PSD3: variants seen among roughly 807,000 people sequenced by gnomAD.
PSD3 encodes the protein PH and SEC7 domain-containing protein 3.
Under a neutral mutation model 105.5 loss-of-function variants are expected in PSD3, and 49 were observed. That is an observed-to-expected ratio of 0.46 (90% CI 0.37 to 0.59). The LOEUF (loss-of-function observed/expected upper bound fraction) is 0.59. Among genes scored for constraint, PSD3 ranks in the 20% least tolerant of loss-of-function variants. The probability of loss-of-function intolerance (pLI) is 0.00; values close to 1 mark genes in which losing one functional copy is unlikely to be tolerated. For synonymous variants in PSD3, 557 were observed against 457.8 expected (o/e 1.22, Z -2.77); for missense variants, 1,561 against 1,263.8 (o/e 1.24, Z -3.57).
At chr8:18,782,651 G>A (rs1481641929) in intron 8 of PSD3, among the ~76,000 whole-genome samples, 1 of 152,208 alleles carries the variant, frequency 6.6e-6, no homozygotes, top group Non-Finnish European at 1.5e-5. Context: ...TCTTCAAGTG[G>A]ATTGTCTGTG....
intron 12 of PSD3, among the ~76,000 whole-genome samples, chr8:18,584,151 C>T (rs950360802): frequency 1.1e-4 from 16 of 152,266 alleles, no homozygotes; most frequent in African/African-American, 2.4e-4. Context: ...ATAGAAGATA[C>T]GAGACATTTT....
chr8:18,873,138 A>G (rs1255664785), intron 2 of PSD3, among the ~76,000 whole-genome samples: 1 of 152,210 alleles, frequency 6.6e-6, no homozygotes, highest in East Asian at 1.9e-4. Context: ...AAAGAGCCCT[A>G]TGATCTAGCC....
At chr8:19,033,467 A>G (rs1827838559) in intron 1 of PSD3, among the ~76,000 whole-genome samples, 1 of 151,886 alleles carries the variant, frequency 6.6e-6, no homozygotes, top group Non-Finnish European at 1.5e-5. Context: ...TCCATTTCCA[A>G]GAACTATGTA....
chr8:18,625,581 T>C (rs760620744), intron 11 of PSD3, among the ~76,000 whole-genome samples: 1 of 152,198 alleles, frequency 6.6e-6, no homozygotes, highest in African/African-American at 2.4e-5. Flanking sequence ...AAATACATGC[T>C]ACACAGTGAC....
intron 9 of PSD3, among the ~76,000 whole-genome samples, chr8:18,698,832 T>TTA (rs1801410102): frequency 1.3e-5 from 2 of 152,220 alleles, no homozygotes; most frequent in African/African-American, 4.8e-5. Flanking sequence ...GTGTTAGCTT[T>TTA]TATATGCAGG....
rs527319196 is a variant in PSD3 at position 18,823,124 on chromosome 8, T to G, written c.1635-18226A>C. On this transcript the variant is annotated intron_variant, in intron 4 of 15. Coordinates refer to ENST00000327040, the MANE Select transcript of PSD3 (RefSeq NM_015310.4). ...AAAAAAAAAAAAAAAACCTTATCAC[T>G]TCAATAACTAGAAAAGCATACCTGA... 2.7e-3 allele frequency among the ~76,000 whole-genome samples: 408 copies of G among 151,974 alleles called. 2 individuals are homozygous for G. Among genetic ancestry groups the G allele is most frequent in the African/African-American group, 9.2e-3 (380 of 41,492 alleles).
chr8:18,747,719 C>T (rs901692197), intron 9 of PSD3, among the ~76,000 whole-genome samples: 1 of 151,866 alleles, frequency 6.6e-6, no homozygotes, highest in Non-Finnish European at 1.5e-5. Context: ...CTAAATAGTG[C>T]CAATTAACTA....
intron 9 of PSD3, among the ~76,000 whole-genome samples, chr8:18,670,255 G>A (rs1028594769): frequency 2.0e-5 from 3 of 152,170 alleles, no homozygotes; most frequent in East Asian, 1.9e-4. Context: ...GAAACCCAGC[G>A]GGGCTGGTGC....
intron 2 of PSD3, among the ~76,000 whole-genome samples, chr8:18,886,523 C>T (rs1388747910): frequency 6.6e-6 from 1 of 152,058 alleles, no homozygotes; most frequent in African/African-American, 2.4e-5. Context: ...ATAATACAGA[C>T]GGATACTTTC....
intron 9 of PSD3, among the ~76,000 whole-genome samples, chr8:18,756,941 CG>C (rs778774654): frequency 1.4e-5 from 2 of 146,356 alleles, no homozygotes; most frequent in Non-Finnish European, 3.0e-5. Flanking sequence ...GCATTCCACA[CG>C]GGCACACTGC....
chr8:18,670,774 T>C (rs941065544), intron 9 of PSD3, among the ~76,000 whole-genome samples: 1 of 151,998 alleles, frequency 6.6e-6, no homozygotes, highest in Non-Finnish European at 1.5e-5. Flanking sequence ...GGGGGAAAAA[T>C]GTGTGCGAGT....
chr8:18,916,802 C>T (rs76441104), intron 2 of PSD3, among the ~76,000 whole-genome samples: 1,943 of 150,886 alleles, frequency 0.013, 45 homozygotes, highest in African/African-American at 0.044. Context: ...CATATCACAA[C>T]GAATATATGT....
intron 9 of PSD3, among the ~76,000 whole-genome samples, chr8:18,748,986 T>C (rs117303903): frequency 0.01 from 1,532 of 152,370 alleles, 12 homozygotes; most frequent in South Asian, 0.019. Context: ...CACATTTTCA[T>C]GTGTAACGCT....
At chr8:18,733,283 C>T (rs1301462005) in intron 9 of PSD3, 4 of 152,064 alleles carry the variant, frequency 2.6e-5, no homozygotes, top group Non-Finnish European at 5.9e-5. Flanking sequence ...TTTTTAGGGT[C>T]ATAATTGTAT....
At chr8:18,786,351 A>T (rs2129445795) in intron 8 of PSD3, among the ~76,000 whole-genome samples, 1 of 152,366 alleles carries the variant, frequency 6.6e-6, no homozygotes, top group East Asian at 1.9e-4. Context: ...AGGAATTATT[A>T]AAAACATCAT....
At chr8:18,735,856 T>G (rs1028271996) in intron 9 of PSD3, among the ~76,000 whole-genome samples, 3 of 152,264 alleles carry the variant, frequency 2.0e-5, no homozygotes, top group Non-Finnish European at 2.9e-5. Context: ...CGCACCTGAA[T>G]AGTAAAATTA....
At chr8:18,735,292 T>G (rs13439456) in intron 9 of PSD3, among the ~76,000 whole-genome samples, 11,878 of 151,866 alleles carry the variant, frequency 0.078, 1,058 homozygotes, top group East Asian at 0.25. Context: ...AAACAAGAGA[T>G]GAAAAAAATT....
intron 9 of PSD3, among the ~76,000 whole-genome samples, chr8:18,689,117 C>T (rs1202479952): frequency 1.3e-5 from 2 of 152,186 alleles, no homozygotes; most frequent in Non-Finnish European, 2.9e-5. Flanking sequence ...CTCAACCTCT[C>T]AAAAGAGTAC....
At chr8:18,965,647 G>C (rs1413186753) in intron 1 of PSD3, among the ~76,000 whole-genome samples, 1 of 152,222 alleles carries the variant, frequency 6.6e-6, no homozygotes, top group Admixed American at 6.5e-5. Context: ...AATGCAGTAA[G>C]TGGTGTACAT....
Sources: allele counts gnomAD v4.1 joint callset (sites outside exome capture counted in the v4.1 genomes callset), GRCh38; gene constraint gnomAD v4.1.1; transcripts MANE v1.5; gene names NCBI Gene and HGNC (gene_info 2026-07-23, HGNC 2026-07-21).